Variants in TAPT1 observed in about 807,000 individuals in gnomAD.
TAPT1 encodes transmembrane anterior posterior transformation protein 1 homolog.
In TAPT1, 28 loss-of-function variants were observed where a neutral mutation model predicts 65.6. The ratio of observed to expected loss-of-function variants is 0.43; its 90% CI spans 0.32 to 0.59. TAPT1 has a LOEUF of 0.59. TAPT1 is among the 20% of genes least tolerant of loss of function. TAPT1 has a pLI of 0.09. For missense variants in TAPT1, 563 were observed against 679.9 expected, an observed-to-expected ratio of 0.83 and a Z score of 1.91; for synonymous variants, 278 against 245.2, an observed-to-expected ratio of 1.13 and a Z score of -1.25.
chr4:16,180,404 C>A (rs538169415), intron 7 of TAPT1, among the ~76,000 whole-genome samples: 43 of 152,312 alleles, frequency 2.8e-4, no homozygotes, highest in African/African-American at 1.0e-3. Context: ...AAGAGTGGCA[C>A]ACCCATGTAT....
Position 16,188,262 on chromosome 4 carries a change from T to A in TAPT1, c.706A>T (p.Ile236Phe). Residue 236 changes from isoleucine to phenylalanine, a missense_variant, in exon 5 of 14, where the codon ATT (isoleucine) becomes TTT (phenylalanine). This residue lies in a region of TAPT1 where 217 missense variants were observed against 317.5 expected (regional missense o/e 0.68). Coordinates refer to ENST00000405303, the MANE Select transcript of TAPT1 (RefSeq NM_153365.3). Reference protein sequence around the residue: ...TEPKERKRAHIGVIPHFFMAV... With the variant: ...TEPKERKRAHFGVIPHFFMAV... ...ATGAAAAAGTGAGGAATCACCCCAA[T>A]GTGGGCTCTTTTTCTTTCTTTAGGC... 1 of 1,612,412 alleles carries A rather than the reference T, an allele frequency of 6.2e-7. No individual in the cohort carries two copies. The highest frequency in any genetic ancestry group is 8.5e-7 in the Non-Finnish European group (1 of 1,178,954).
At chr4:16,178,083 T>C (rs1245821680) in intron 8 of TAPT1, among the ~76,000 whole-genome samples, 1 of 152,214 alleles carries the variant, frequency 6.6e-6, no homozygotes, top group African/African-American at 2.4e-5. Context: ...ATCTTACATG[T>C]ACTCTACCGG....
intron 4 of TAPT1, 79 bp downstream of exon 4, chr4:16,191,282 A>AC (rs1560169280): frequency 2.1e-6 from 3 of 1,411,776 alleles, no homozygotes; most frequent in Admixed American, 4.8e-5. Context: ...AGCATTCTTG[A>AC]CTCTCAGGTA....
Position 16,179,613 on chromosome 4 carries a change from A to G in TAPT1, c.961T>C (p.Cys321Arg). The G allele has an allele frequency of 6.5e-7, 1 of 1,539,238 alleles. No individual in the cohort carries two copies. Among genetic ancestry groups the G allele is most frequent in the Non-Finnish European group, 8.7e-7 (1 of 1,143,346 alleles). Residue 321 changes from cysteine to arginine, a missense_variant, in exon 8 of 14, where the codon TGT becomes CGT. By Grantham distance (180) the Cys-to-Arg change is radical. Coordinates refer to ENST00000405303, the MANE Select transcript of TAPT1 (RefSeq NM_153365.3). ...GAAAACTGTTCCATGTTTCTTAGACACACTATCAGTAAAAGCACATAATTT... is the reference window on the plus strand; with the variant it reads ...GAAAACTGTTCCATGTTTCTTAGACGCACTATCAGTAAAAGCACATAATTT... ...FTNYVLLLIV[C>R]LRNMEQFSWN...
intron 3 of TAPT1, among the ~76,000 whole-genome samples, chr4:16,192,820 T>C (rs79028112): frequency 0.053 from 8,103 of 152,262 alleles, 238 homozygotes; most frequent in Middle Eastern, 0.14. Context: ...ATTGTGACAA[T>C]GTTCTAAGCA....
At position 16,211,854 on chromosome 4, in the gene TAPT1, A is replaced by C. The variant is rs370573266; in HGVS notation, c.330+1914T>G. On this transcript the variant is annotated intron_variant, in intron 2 of 13. Transcript: ENST00000405303. ...GGTTCTATAGTGGACCACAATTTAG[A>C]ATCACTGGTTTATACTTTAGTCTCA... Among the ~76,000 whole-genome samples the C allele has an allele frequency of 1.5e-3, 231 of 152,334 alleles. 1 individual carries two copies. Among genetic ancestry groups the C allele is most frequent in the Middle Eastern group, 6.8e-3 (2 of 294 alleles).
Position 16,186,772 on chromosome 4 carries a change from C to A in TAPT1, c.846+9G>T. 1 of 1,554,486 alleles carries A rather than the reference C, an allele frequency of 6.4e-7. No homozygotes were observed. The highest frequency in any genetic ancestry group is 1.1e-5 in the South Asian group (1 of 88,952). On this transcript the variant is annotated intron_variant, in intron 6 of 13. Transcript: ENST00000405303. ...AACTTCAAAAATGTAAGATAAATCT[C>A]ATACTTACATTATTAGACATCATGA...
chr4:16,174,732 A>G lies in TAPT1; in HGVS notation c.1108-3T>C. 6.4e-7 allele frequency: 1 copy of G among 1,559,328 alleles called. No individual in the cohort carries two copies. The highest frequency in any genetic ancestry group is 1.2e-5 in the South Asian group (1 of 82,094). Reference sequence around the variant, plus strand: ...CTGGCTCTATATTCACTGTAGACCTAAAAACAAACAAGAATGAAATATCAA... The same window carrying G: ...CTGGCTCTATATTCACTGTAGACCTGAAAACAAACAAGAATGAAATATCAA... On this transcript the variant is annotated splice_polypyrimidine_tract_variant and splice_region_variant and intron_variant, in intron 9 of 13. Transcript: ENST00000405303.
chr4:16,208,971 C>A (rs80265696), intron 2 of TAPT1, among the ~76,000 whole-genome samples: 1 of 152,172 alleles, frequency 6.6e-6, no homozygotes, highest in Non-Finnish European at 1.5e-5. Flanking sequence ...TCAAGCAATC[C>A]TTCTGCCTCA....
intron 11 of TAPT1, 57 bp from the exon 12 acceptor site, chr4:16,170,786 A>G: frequency 7.7e-7 from 1 of 1,298,476 alleles, no homozygotes; most frequent in Non-Finnish European, 1.1e-6. Context: ...ACAACCACAG[A>G]GTTATTAGTT....
chr4:16,193,568 T>G (rs954702950), intron 3 of TAPT1, among the ~76,000 whole-genome samples: 1 of 152,204 alleles, frequency 6.6e-6, no homozygotes, highest in Admixed American at 6.5e-5. Flanking sequence ...GATAATTTCC[T>G]GCCCTTATCC....
intron 1 of TAPT1, among the ~76,000 whole-genome samples, chr4:16,221,129 T>C (rs1183520848): frequency 6.6e-6 from 1 of 151,852 alleles, no homozygotes; most frequent in Non-Finnish European, 1.5e-5. Context: ...TACTTTTTTT[T>C]TGGAGACACA....
chr4:16,211,305 G>A (rs148109178), intron 2 of TAPT1, among the ~76,000 whole-genome samples: 1 of 151,886 alleles, frequency 6.6e-6, no homozygotes, highest in Non-Finnish European at 1.5e-5. Flanking sequence ...AATTATTTAG[G>A]TTATCTTGCA....
rs748729985 is a variant in TAPT1 at position 16,188,259 on chromosome 4, CAAT to C, written c.706_708del (p.Ile236del). Reference sequence around the variant, plus strand: ...GCCATGAAAAAGTGAGGAATCACCCCAATGTGGGCTCTTTTTCTTTCTTTAGGC... The same window carrying C: ...GCCATGAAAAAGTGAGGAATCACCCCGTGGGCTCTTTTTCTTTCTTTAGGC... On this transcript the variant is annotated inframe_deletion, in exon 5 of 14. Transcript: ENST00000405303. 203 of 1,612,368 alleles carry C rather than the reference CAAT, an allele frequency of 1.3e-4. No individual in the cohort carries two copies. The highest frequency in any genetic ancestry group is 1.7e-4 in the Non-Finnish European group (197 of 1,179,238).
intron 7 of TAPT1, 22 bp downstream of exon 7, chr4:16,186,513 A>G: frequency 6.8e-7 from 1 of 1,464,648 alleles, no homozygotes; most frequent in African/African-American, 1.4e-5. Flanking sequence ...CAGAACTTCA[A>G]GTAGAATCTA....
intron 2 of TAPT1, 112 bp from the exon 3 acceptor site, chr4:16,202,692 A>G (rs549354751): frequency 3.4e-6 from 2 of 588,800 alleles, no homozygotes; most frequent in Admixed American, 3.3e-5. Flanking sequence ...ATTTCTTAAA[A>G]CTTAGCCCTG....
intron 4 of TAPT1, among the ~76,000 whole-genome samples, chr4:16,188,648 C>T (rs770463497): frequency 5.3e-5 from 8 of 150,074 alleles, no homozygotes; most frequent in Non-Finnish European, 1.0e-4. Context: ...TGGCCGGGCA[C>T]GGTGGCTCAT....
In TAPT1 at chr4:16,191,346, A is replaced by G. The variant is rs1254055220; in HGVS notation, c.612+15T>C. 5 of 1,591,536 alleles carry G rather than the reference A, an allele frequency of 3.1e-6. No homozygotes were observed. Among genetic ancestry groups the G allele is most frequent in the Middle Eastern group, 1.7e-4 (1 of 6,040 alleles). ...TGCCCTGGCCAGGCCTGTGCGGGGT[A>G]AGCAAGGCCCTTACCTCCAGCATGT... On this transcript the variant is annotated intron_variant, in intron 4 of 13. Transcript: ENST00000405303.
chr4:16,203,264 T>C (rs1228136030), intron 2 of TAPT1, among the ~76,000 whole-genome samples: 1 of 152,230 alleles, frequency 6.6e-6, no homozygotes, highest in African/African-American at 2.4e-5. Context: ...GAGTGGCAAC[T>C]TTCTGTATGT....
Sources: allele counts gnomAD v4.1 joint callset (sites outside exome capture counted in the v4.1 genomes callset), GRCh38; gene constraint gnomAD v4.1.1; regional missense constraint gnomAD v4.1.1; transcripts MANE v1.5; gene names NCBI Gene and HGNC (gene_info 2026-07-23, HGNC 2026-07-21).